PTPRD: variants seen among roughly 807,000 people sequenced by gnomAD.
PTPRD encodes protein tyrosine phosphatase receptor type D.
PTPRD carries 34 observed loss-of-function variants against 214.5 expected under a neutral mutation model. The observed-to-expected ratio is 0.16, with a 90% CI of 0.12 to 0.21. PTPRD has a LOEUF of 0.21. Among genes scored for constraint, PTPRD ranks in the 10% least tolerant of loss-of-function variants. The pLI is 1.00. For missense variants in PTPRD, 2,545 were observed against 2,398.7 expected (o/e 1.06, Z -1.27); for synonymous variants, 1,128 against 845.7 (o/e 1.33, Z -5.79).
chr9:9,002,379 C>T (rs998082170), intron 11 of PTPRD, among the ~76,000 whole-genome samples: 3 of 151,854 alleles, frequency 2.0e-5, no homozygotes, highest in African/African-American at 7.3e-5. Context: ...CATTAGGCAG[C>T]CCATACTAAA....
At chr9:9,112,576 G>A (rs2099807579) in intron 10 of PTPRD, among the ~76,000 whole-genome samples, 1 of 152,160 alleles carries the variant, frequency 6.6e-6, no homozygotes, top group South Asian at 2.1e-4. Flanking sequence ...CTCCCTGAAA[G>A]CCTCTGGTGG....
chr9:9,408,218 C>G (rs1489474939), intron 8 of PTPRD, among the ~76,000 whole-genome samples: 4 of 151,754 alleles, frequency 2.6e-5, no homozygotes, highest in Non-Finnish European at 5.9e-5. Flanking sequence ...ATTCTGACAG[C>G]AAAGGAAATT....
At chr9:10,542,693 G>T (rs944553552) in intron 2 of PTPRD, among the ~76,000 whole-genome samples, 2 of 151,818 alleles carry the variant, frequency 1.3e-5, no homozygotes, top group South Asian at 4.2e-4. Flanking sequence ...ATTTACTATA[G>T]ATTTTCTTCC....
At chr9:9,006,799 TTC>T (rs2099471611) in intron 11 of PTPRD, among the ~76,000 whole-genome samples, 2 of 152,092 alleles carry the variant, frequency 1.3e-5, no homozygotes, top group Non-Finnish European at 2.9e-5. Flanking sequence ...AATATGTTTT[TTC>T]TTTTTTTATA....
At chr9:8,808,797 G>C (rs568478004) in intron 11 of PTPRD, among the ~76,000 whole-genome samples, 1 of 152,242 alleles carries the variant, frequency 6.6e-6, no homozygotes, top group South Asian at 2.1e-4. Context: ...CTAGGACCCA[G>C]ACTGGACTCA....
chr9:8,458,497 C>A (rs548206427), intron 33 of PTPRD, among the ~76,000 whole-genome samples: 44 of 152,138 alleles, frequency 2.9e-4, no homozygotes, highest in African/African-American at 1.0e-3. Flanking sequence ...GTCAACAATC[C>A]CTTGTTTTTT....
intron 9 of PTPRD, among the ~76,000 whole-genome samples, chr9:9,347,870 C>T (rs906693856): frequency 2.0e-5 from 3 of 152,130 alleles, no homozygotes; most frequent in Admixed American, 6.6e-5. Flanking sequence ...TACTGTGGCA[C>T]ACAGCTCATT....
At chr9:10,593,758 A>G (rs2076035332) in intron 2 of PTPRD, among the ~76,000 whole-genome samples, 1 of 152,002 alleles carries the variant, frequency 6.6e-6, no homozygotes, top group African/African-American at 2.4e-5. Context: ...AATGAAGGGA[A>G]AATCTTGAAG....
intron 3 of PTPRD, among the ~76,000 whole-genome samples, chr9:10,062,139 T>C (rs569454346): frequency 6.6e-5 from 10 of 152,060 alleles, no homozygotes; most frequent in Non-Finnish European, 1.3e-4. Flanking sequence ...AGGAGGGTGG[T>C]AGGATGTTAC....
intron 4 of PTPRD, among the ~76,000 whole-genome samples, chr9:9,959,713 G>C (rs938251832): frequency 6.6e-6 from 1 of 152,046 alleles, no homozygotes; most frequent in Non-Finnish European, 1.5e-5. Context: ...TTTTCCACAG[G>C]GTACAGGTTA....
intron 8 of PTPRD, among the ~76,000 whole-genome samples, chr9:9,469,088 C>A (rs907747077): frequency 5.9e-5 from 9 of 151,968 alleles, no homozygotes; most frequent in Admixed American, 2.6e-4. Context: ...TTGGGATATG[C>A]TTATCACATA....
intron 12 of PTPRD, among the ~76,000 whole-genome samples, chr9:8,711,534 A>G (rs2098332388): frequency 1.3e-5 from 2 of 152,310 alleles, no homozygotes; most frequent in South Asian, 2.1e-4. Flanking sequence ...AAAAATAATA[A>G]TAAAAACCCT....
Position 8,315,410 on chromosome 9 carries a change from A to G in PTPRD, c.*2464T>C, listed in dbSNP as rs1189153103. On this transcript the variant is annotated 3_prime_UTR_variant, in exon 46 of 46. Coordinates refer to ENST00000381196, the MANE Select transcript of PTPRD (RefSeq NM_002839.4). ...GTGCTCCATCGGATTCTACATGTCC[A>G]ACAAGGCATGTCTGGATGATGCAAT... The G allele has an allele frequency of 4.3e-6, 1 of 232,482 alleles. No homozygotes were observed. The highest frequency in any genetic ancestry group is 8.5e-6 in the Non-Finnish European group (1 of 117,350). 14.4% of individuals were successfully genotyped at this position (232,482 alleles called of 1,614,324 possible).
At chr9:8,360,770 T>C (rs773750326) in intron 39 of PTPRD, among the ~76,000 whole-genome samples, 1 of 152,224 alleles carries the variant, frequency 6.6e-6, no homozygotes, top group Non-Finnish European at 1.5e-5. Flanking sequence ...TCTTTTATGA[T>C]AGCACTTCCT....
intron 4 of PTPRD, among the ~76,000 whole-genome samples, chr9:10,017,191 T>C (rs2096736560): frequency 1.3e-5 from 2 of 152,156 alleles, no homozygotes; most frequent in South Asian, 4.1e-4. Context: ...GAATATTAAT[T>C]ATTGTGTTTA....
At chr9:9,587,004 G>T (rs1247237177) in intron 7 of PTPRD, among the ~76,000 whole-genome samples, 1 of 151,940 alleles carries the variant, frequency 6.6e-6, no homozygotes, top group East Asian at 1.9e-4. Context: ...TTGAATTAAG[G>T]AAGCCAGTCT....
chr9:10,119,572 G>T lies in PTPRD; in HGVS notation c.-544-85782C>A, dbSNP rs1046488348. 3.9e-5 allele frequency among the ~76,000 whole-genome samples: 6 copies of T among 151,990 alleles called. No homozygotes were observed. The South Asian group carries it at 1.2e-3, about 32-fold the overall frequency. On this transcript the variant is annotated intron_variant, in intron 3 of 45. Transcript: ENST00000381196. ...ACTCTCATCCATATATAAAATAAAC[G>T]TGTCAAAGATTTTATTCAAGTCATT...
chr9:9,926,630 A>T (rs117119379), intron 5 of PTPRD, among the ~76,000 whole-genome samples: 1 of 152,204 alleles, frequency 6.6e-6, no homozygotes, highest in African/African-American at 2.4e-5. Context: ...AATAAAAATC[A>T]TAAGCTTCAA....
In PTPRD at chr9:8,975,154, G is replaced by C. The variant is rs186666444; in HGVS notation, c.-104+43543C>G. ...GTTTATCAAAGTAGTTTGATAACAT[G>C]ATGAAGGGAATGGATACATATTGAA... On this transcript the variant is annotated intron_variant, in intron 11 of 45. Transcript: ENST00000381196. Among the ~76,000 whole-genome samples the C allele has an allele frequency of 6.6e-5, 10 of 150,498 alleles. No individual in the cohort carries two copies. The East Asian group carries it at 2.0e-3, about 29-fold the overall frequency.
Sources: gnomAD v4.1 joint callset for allele counts (sites outside exome capture counted in the v4.1 genomes callset) on GRCh38, gnomAD v4.1.1 for gene constraint, MANE v1.5 for transcripts, NCBI Gene and HGNC (gene_info 2026-07-23, HGNC 2026-07-21) for gene names.